The following BICC1 variants were observed in gnomAD, a reference collection of about 807,000 sequenced individuals.
BICC1 encodes the protein BicC family RNA binding protein 1.
BICC1 carries 43 observed loss-of-function variants against 111.0 expected under a neutral mutation model. The observed-to-expected ratio is 0.39, with a 90% CI of 0.30 to 0.50. The LOEUF (loss-of-function observed/expected upper bound fraction) is 0.50, where lower values mean the gene tolerates loss of function less well. BICC1 is among the 20% of genes least tolerant of loss of function. The pLI, the probability that BICC1 is intolerant of heterozygous loss-of-function variation, is 0.88. For synonymous variants in BICC1, 467 were observed against 434.4 expected (o/e 1.07, Z -0.93); for missense variants, 1,091 against 1,203.2 (o/e 0.91, Z 1.38).
intron 1 of BICC1, among the ~76,000 whole-genome samples, chr10:58,563,764 C>A (rs1176295812): frequency 2.0e-5 from 3 of 152,092 alleles, no homozygotes; most frequent in Admixed American, 6.6e-5. Context: ...TTAGCAACAG[C>A]AAATAAATTT....
intron 2 of BICC1, among the ~76,000 whole-genome samples, chr10:58,696,082 A>G (rs1249086391): frequency 2.0e-5 from 3 of 152,092 alleles, no homozygotes; most frequent in Non-Finnish European, 4.4e-5. Flanking sequence ...TTCCCTTCCT[A>G]TCTCTACCTG....
At chr10:58,756,259 T>C (rs1160663947) in intron 3 of BICC1, among the ~76,000 whole-genome samples, 1 of 152,118 alleles carries the variant, frequency 6.6e-6, no homozygotes, top group Non-Finnish European at 1.5e-5. Context: ...TTTTTTTTGC[T>C]TTTCCGTTTT....
intron 1 of BICC1, among the ~76,000 whole-genome samples, chr10:58,615,408 T>C (rs1485813889): frequency 6.6e-6 from 1 of 152,030 alleles, no homozygotes; most frequent in African/African-American, 2.4e-5. Context: ...GAGTGCAGGC[T>C]CCCAACTCCA....
intron 20 of BICC1, among the ~76,000 whole-genome samples, chr10:58,825,891 G>A (rs969592564): frequency 7.2e-5 from 11 of 152,000 alleles, no homozygotes; most frequent in Non-Finnish European, 1.3e-4. Context: ...TGACATCATG[G>A]GAAAAAGTTG....
At chr10:58,621,407 CT>C (rs768383519) in intron 2 of BICC1, among the ~76,000 whole-genome samples, 3 of 152,194 alleles carry the variant, frequency 2.0e-5, no homozygotes, top group Admixed American at 6.5e-5. Context: ...ACTGTACCCC[CT>C]GACTTGGTGT....
intron 2 of BICC1, among the ~76,000 whole-genome samples, chr10:58,688,625 C>T (rs1411158256): frequency 1.3e-5 from 2 of 152,150 alleles, no homozygotes; most frequent in African/African-American, 4.8e-5. Flanking sequence ...GACTTGTAAC[C>T]ACCCGAAATG....
intron 3 of BICC1, among the ~76,000 whole-genome samples, chr10:58,777,585 T>C (rs1425157195): frequency 6.6e-6 from 1 of 152,156 alleles, no homozygotes; most frequent in Non-Finnish European, 1.5e-5. Flanking sequence ...ACTGTAGCGA[T>C]GAGGGCACCT....
intron 10 of BICC1, among the ~76,000 whole-genome samples, chr10:58,797,152 A>G (rs963256865): frequency 6.6e-6 from 1 of 152,174 alleles, no homozygotes; most frequent in Non-Finnish European, 1.5e-5. Context: ...GTCCTCATCT[A>G]TGGATTGCTA....
chr10:58,520,635 T>C (rs1391545617), intron 1 of BICC1, among the ~76,000 whole-genome samples: 2 of 152,194 alleles, frequency 1.3e-5, no homozygotes. Context: ...GCATATTGAG[T>C]TGATCTGGAG....
At chr10:58,663,585 C>T (rs1019231414) in intron 2 of BICC1, among the ~76,000 whole-genome samples, 2 of 152,144 alleles carry the variant, frequency 1.3e-5, no homozygotes, top group East Asian at 1.9e-4. Context: ...CCCTTCCTGT[C>T]AGATCAGCGG....
intron 4 of BICC1, 78 bp from the exon 5 acceptor site, chr10:58,786,845 T>C (rs1351352531): frequency 1.7e-6 from 2 of 1,153,872 alleles, no homozygotes; most frequent in East Asian, 2.8e-5. Context: ...TTAATACCAT[T>C]CCCTTGAGGG....
chr10:58,727,321 T>G (rs918040501), intron 3 of BICC1, among the ~76,000 whole-genome samples: 3 of 152,206 alleles, frequency 2.0e-5, no homozygotes, highest in Admixed American at 6.5e-5. Flanking sequence ...GCACAATGGC[T>G]CATGCCTATA....
At chr10:58,516,354 A>C (rs1334013574) in intron 1 of BICC1, among the ~76,000 whole-genome samples, 1 of 152,198 alleles carries the variant, frequency 6.6e-6, no homozygotes, top group Non-Finnish European at 1.5e-5. Context: ...CCAAAAATTC[A>C]GTGAGGTTAA....
At chr10:58,795,022 A>G (rs895684183) in intron 9 of BICC1, among the ~76,000 whole-genome samples, 2 of 152,196 alleles carry the variant, frequency 1.3e-5, no homozygotes, top group Non-Finnish European at 2.9e-5. Flanking sequence ...AGTATAAAGC[A>G]TTGTTTAGAA....
At chr10:58,651,225 G>C (rs1052928520) in intron 2 of BICC1, among the ~76,000 whole-genome samples, 3 of 152,188 alleles carry the variant, frequency 2.0e-5, no homozygotes, top group Non-Finnish European at 4.4e-5. Context: ...TGCACAGTGA[G>C]ATGGGTTGTC....
intron 17 of BICC1, among the ~76,000 whole-genome samples, chr10:58,811,300 A>T (rs1394390714): frequency 6.6e-6 from 1 of 152,226 alleles, no homozygotes; most frequent in Admixed American, 6.5e-5. Flanking sequence ...ATGGTCACAT[A>T]TTCTCGGAGC....
At chr10:58,792,506 A>G (rs903180057) in intron 8 of BICC1, among the ~76,000 whole-genome samples, 1 of 152,194 alleles carries the variant, frequency 6.6e-6, no homozygotes, top group Non-Finnish European at 1.5e-5. Context: ...CTGTATTAAC[A>G]GAGGCTTCCC....
At chr10:58,828,717 G>A in intron 20 of BICC1, 44 bp from the exon 21 acceptor site, 1 of 1,599,064 alleles carries the variant, frequency 6.3e-7, no homozygotes, top group Non-Finnish European at 8.5e-7. Context: ...AGTATACATA[G>A]AACTTCTCTT....
intron 1 of BICC1, among the ~76,000 whole-genome samples, chr10:58,540,838 A>G (rs1842953481): frequency 6.6e-6 from 1 of 152,112 alleles, no homozygotes; most frequent in South Asian, 2.1e-4. Flanking sequence ...ATTCAACACC[A>G]CATTGAAAGA....
Sources: gnomAD v4.1 joint callset for allele counts (sites outside exome capture counted in the v4.1 genomes callset) on GRCh38, gnomAD v4.1.1 for gene constraint, MANE v1.5 for transcripts, NCBI Gene and HGNC (gene_info 2026-07-23, HGNC 2026-07-21) for gene names.